PCDH15: variants seen among roughly 807,000 people sequenced by gnomAD.
PCDH15 encodes the protein protocadherin related 15, also known as protocadherin-15.
A neutral mutation model predicts 178.5 loss-of-function variants in PCDH15; 129 were observed. The observed-to-expected ratio is 0.72, with a 90% CI of 0.63 to 0.84. The LOEUF is 0.84. PCDH15 is among the 40% of genes least tolerant of loss of function. The pLI is 0.00. For synonymous variants in PCDH15, 800 were observed against 732.0 expected (o/e 1.09, Z -1.50); for missense variants, 2,230 against 2,099.9 (o/e 1.06, Z -1.21).
chr10:55,582,594 G>T (rs868157726), intron 2 of PCDH15, among the ~76,000 whole-genome samples: 1 of 76,356 alleles, frequency 1.3e-5, no homozygotes, highest in Non-Finnish European at 2.4e-5. Context: ...GTATGTGTAT[G>T]TGTATATATA....
chr10:54,316,913 G>A (rs1401336311), intron 8 of PCDH15, among the ~76,000 whole-genome samples: 1 of 152,086 alleles, frequency 6.6e-6, no homozygotes. Flanking sequence ...TGACCTGTGT[G>A]TCCTCTGACT....
At chr10:54,741,492 G>A (rs1407840173) in intron 1 of PCDH15, among the ~76,000 whole-genome samples, 2 of 151,828 alleles carry the variant, frequency 1.3e-5, no homozygotes, top group African/African-American at 4.8e-5. Context: ...ATGAAGAATG[G>A]GGTGGTAGAT....
chr10:53,873,050 G>A (rs1045193776), intron 26 of PCDH15, among the ~76,000 whole-genome samples: 4 of 152,016 alleles, frequency 2.6e-5, no homozygotes, highest in African/African-American at 7.2e-5. Flanking sequence ...TATAAAACAC[G>A]TTATGTCTCT....
chr10:54,841,292 TAAAC>T (rs1163145790), intron 3 of PCDH15, among the ~76,000 whole-genome samples: 2 of 151,700 alleles, frequency 1.3e-5, no homozygotes, highest in East Asian at 1.9e-4. Context: ...ACGTGGGAAT[TAAAC>T]AACACACTCA....
At chr10:54,944,845 G>A (rs1195432484) in intron 2 of PCDH15, among the ~76,000 whole-genome samples, 5 of 151,764 alleles carry the variant, frequency 3.3e-5, no homozygotes, top group Non-Finnish European at 7.4e-5. Flanking sequence ...TTATCAAAAG[G>A]AAACTTTGTT....
intron 1 of PCDH15, among the ~76,000 whole-genome samples, chr10:54,773,924 T>A (rs60372888): frequency 0.027 from 4,081 of 150,946 alleles, 155 homozygotes; most frequent in African/African-American, 0.092. Context: ...GCCCAATTCT[T>A]ATCTCTGACA....
At chr10:55,228,253 G>T (rs934612296) in intron 1 of PCDH15, among the ~76,000 whole-genome samples, 4 of 151,928 alleles carry the variant, frequency 2.6e-5, no homozygotes, top group Non-Finnish European at 5.9e-5. Context: ...ATATCTGCCT[G>T]TTTCAGGCCA....
At position 54,020,416 on chromosome 10, in the gene PCDH15, C is replaced by A; in HGVS notation, c.2527G>T (p.Ala843Ser). The change falls in exon 20 of 38, where the codon GCC (alanine) becomes TCC (serine). Residue 843 changes from alanine (A) to serine (S), a missense_variant and splice_region_variant. Coordinates refer to ENST00000644397, the MANE Select transcript of PCDH15 (RefSeq NM_001384140.1). ...TTTGCTCCAAGGTCGACATCTTTGG[C>A]CTGTAATAAGCAGAAGAATAGTTTT... ...PAGTTILQIE[A>S]KDVDLGANVS... The A allele has an allele frequency of 6.2e-7, 1 of 1,613,338 alleles. No individual in the cohort carries two copies. Among genetic ancestry groups the A allele is most frequent in the Non-Finnish European group, 8.5e-7 (1 of 1,179,570 alleles).
intron 21 of PCDH15, among the ~76,000 whole-genome samples, chr10:53,994,076 C>G (rs4935482): frequency 1.3e-5 from 2 of 152,010 alleles, no homozygotes; most frequent in Admixed American, 1.3e-4. Context: ...TTTCTCTTTA[C>G]ATAAATACTT....
intron 2 of PCDH15, among the ~76,000 whole-genome samples, chr10:55,588,390 T>A (rs1198507217): frequency 1.3e-5 from 2 of 152,174 alleles, no homozygotes; most frequent in African/African-American, 4.8e-5. Flanking sequence ...CCAAGTATTA[T>A]AGATGGCTTG....
intron 26 of PCDH15, among the ~76,000 whole-genome samples, chr10:53,867,691 G>A (rs1564642284): frequency 6.6e-6 from 1 of 152,064 alleles, no homozygotes; most frequent in East Asian, 1.9e-4. Context: ...GGCATACAGT[G>A]TGATGGTATT....
chr10:54,121,431 C>T (rs12261105), intron 15 of PCDH15, among the ~76,000 whole-genome samples: 4,452 of 152,094 alleles, frequency 0.029, 237 homozygotes, highest in African/African-American at 0.1. Context: ...GAAAATAAGA[C>T]AACTCTAATT....
At chr10:54,344,927 C>G (rs1214144613) in intron 6 of PCDH15, among the ~76,000 whole-genome samples, 2 of 65,442 alleles carry the variant, frequency 3.1e-5, no homozygotes, top group East Asian at 9.2e-4. Flanking sequence ...AAAAAAAAAA[C>G]AAGACTCTAA....
intron 2 of PCDH15, among the ~76,000 whole-genome samples, chr10:55,164,382 C>T (rs1839142700): frequency 1.3e-5 from 2 of 150,514 alleles, no homozygotes; most frequent in African/African-American, 4.9e-5. Context: ...TTAATAATAC[C>T]TATCAATGTA....
intron 3 of PCDH15, among the ~76,000 whole-genome samples, chr10:54,870,850 C>G (rs7915418): frequency 0.57 from 86,803 of 151,882 alleles, 24,968 homozygotes; most frequent in South Asian, 0.65. Context: ...ATCCCATTCT[C>G]TCGCTGGTAT....
chr10:54,156,718 A>G (rs11004103), intron 13 of PCDH15, among the ~76,000 whole-genome samples: 33,279 of 152,154 alleles, frequency 0.22, 5,021 homozygotes, highest in East Asian at 0.87. Context: ...AACTCATTTC[A>G]GCATTAACTC....
rs1171039002 is a variant in PCDH15 at position 55,332,035 on chromosome 10, A to T, written c.-155-165384T>A. 3.9e-5 allele frequency among the ~76,000 whole-genome samples: 6 copies of T among 152,268 alleles called. No individual in the cohort carries two copies. In the South Asian group the frequency reaches 1.0e-3, roughly 26 times the overall value. On this transcript the variant is annotated intron_variant, in intron 2 of 5. Coordinates refer to the PCDH15 transcript ENST00000613346. ...CACTACAAGGGAAATTAACTTAAAA[A>T]GTTTGACATAAAAGAGTAAATAGAA...
chr10:53,905,256 T>A (rs778514241), intron 25 of PCDH15: 2 of 517,280 alleles, frequency 3.9e-6, no homozygotes, highest in Admixed American at 3.9e-5. Flanking sequence ...CATTCTGATA[T>A]AACAAAGACA....
At chr10:53,886,398 C>T (rs926372483) in intron 26 of PCDH15, among the ~76,000 whole-genome samples, 1 of 152,084 alleles carries the variant, frequency 6.6e-6, no homozygotes, top group African/African-American at 2.4e-5. Context: ...TATATCAAAA[C>T]TTTATTTTTA....
Sources: allele counts gnomAD v4.1 joint callset (sites outside exome capture counted in the v4.1 genomes callset), GRCh38; gene constraint gnomAD v4.1.1; transcripts MANE v1.5; gene names NCBI Gene and HGNC (gene_info 2026-07-23, HGNC 2026-07-21).